The following COL4A4 variants were observed in gnomAD, a reference collection of about 807,000 sequenced individuals.
COL4A4 encodes collagen type IV alpha 4 chain, also known as collagen alpha-4(IV) chain.
Under a neutral mutation model 192.9 loss-of-function variants are expected in COL4A4, and 105 were observed. The ratio of observed to expected loss-of-function variants is 0.54; its 90% CI spans 0.46 to 0.64. COL4A4 has a LOEUF of 0.64. COL4A4 is among the 30% of genes least tolerant of loss of function. The pLI is 0.00. For synonymous variants in COL4A4, 762 were observed against 769.9 expected (o/e 0.99, Z 0.17); for missense variants, 1,967 against 2,169.3 (o/e 0.91, Z 1.85).
intron 4 of COL4A4, among the ~76,000 whole-genome samples, chr2:227,139,032 A>C (rs868126790): frequency 1.2e-4 from 19 of 152,306 alleles, no homozygotes; most frequent in African/African-American, 4.3e-4. Flanking sequence ...GAGATGGGGT[A>C]TTTGGGAGGT....
At chr2:226,992,033 A>G in the COL4A4 span, among the ~76,000 whole-genome samples, 8 of 152,258 alleles carry the variant, frequency 5.3e-5, no homozygotes, top group Non-Finnish European at 8.8e-5. Context: ...TGCTGAACAA[A>G]TGTGAGTACA....
intron 9 of COL4A4, among the ~76,000 whole-genome samples, chr2:227,109,889 G>A (rs905766404): frequency 2.0e-5 from 3 of 152,088 alleles, no homozygotes; most frequent in Non-Finnish European, 4.4e-5. Flanking sequence ...GGAGAGCAAA[G>A]AAAATGCATT....
At chr2:227,000,361 T>TA (rs1162594246), downstream of COL4A4, among the ~76,000 whole-genome samples, 8 of 152,222 alleles carry the variant, frequency 5.3e-5, no homozygotes, top group African/African-American at 1.4e-4. Flanking sequence ...AAGTGCATTT[T>TA]ACACCATTTA....
At chr2:227,085,346 A>G (rs1298340808) in intron 22 of COL4A4, among the ~76,000 whole-genome samples, 4 of 152,162 alleles carry the variant, frequency 2.6e-5, no homozygotes, top group African/African-American at 7.2e-5. Context: ...TAAACTTCTA[A>G]TATCTCAGGA....
chr2:227,118,784 TG>T (rs1185500080), intron 6 of COL4A4, 23 bp from the exon 7 acceptor site: 2 of 1,540,270 alleles, frequency 1.3e-6, no homozygotes, highest in Admixed American at 3.3e-5. Flanking sequence ...AAATTATAAG[TG>T]AAGCATTTTT....
chr2:227,090,741 GACTCC>G (rs1232020874), intron 20 of COL4A4, among the ~76,000 whole-genome samples: 3 of 151,320 alleles, frequency 2.0e-5, no homozygotes. Flanking sequence ...AACAGAATGA[GACTCC>G]ATCTCAAAAT....
chr2:227,009,125 C>T (rs1428027048), intron 46 of COL4A4, among the ~76,000 whole-genome samples: 1 of 152,160 alleles, frequency 6.6e-6, no homozygotes, highest in African/African-American at 2.4e-5. Flanking sequence ...GAAACTAGCC[C>T]CTTGTGATGG....
chr2:227,070,407 G>A (rs1241356794), intron 25 of COL4A4, among the ~76,000 whole-genome samples: 1 of 152,110 alleles, frequency 6.6e-6, no homozygotes, highest in Non-Finnish European at 1.5e-5. Flanking sequence ...CTGCTTTAAA[G>A]ACACATGCAC....
intron 37 of COL4A4, among the ~76,000 whole-genome samples, chr2:227,039,896 A>G (rs187724408): frequency 1.3e-5 from 2 of 152,348 alleles, no homozygotes; most frequent in Non-Finnish European, 2.9e-5. Flanking sequence ...AAAAGTGTCA[A>G]TGAAGACGGA....
rs763223166 is a variant in COL4A4 at position 227,007,553 on chromosome 2, G to A, written c.4845C>T (p.Ala1615=). 4 of 1,612,872 alleles carry A rather than the reference G, an allele frequency of 2.5e-6. No individual in the cohort carries two copies. Among genetic ancestry groups the A allele is most frequent in the Non-Finnish European group, 8.5e-7 (1 of 1,180,018 alleles). The change falls in exon 48 of 48, where the codon GCC becomes GCT. Residue 1615 remains alanine (A), a synonymous_variant. Transcript: ENST00000396625. The part of the protein sequence containing the change: ...TGAGDQGGGQ[A]LMSPGSCLED... Reference sequence around the variant, plus strand: ...CCAGGCAGCTGCCAGGTGACATAAGGGCCTGCCCTCCTCCTTGGTCCCCAG... The same window carrying A: ...CCAGGCAGCTGCCAGGTGACATAAGAGCCTGCCCTCCTCCTTGGTCCCCAG...
intron 43 of COL4A4, among the ~76,000 whole-genome samples, chr2:227,023,628 A>G (rs1191638843): frequency 1.3e-5 from 2 of 152,210 alleles, no homozygotes; most frequent in Non-Finnish European, 2.9e-5. Context: ...ATGCTTTATC[A>G]TGTATCAGGC....
intron 1 of COL4A4, among the ~76,000 whole-genome samples, chr2:227,150,053 C>T (rs2063824802): frequency 6.6e-6 from 1 of 152,122 alleles, no homozygotes; most frequent in African/African-American, 2.4e-5. Flanking sequence ...TCCCCAGTAC[C>T]ATCGTAGTGC....
chr2:227,079,643 A>G (rs974219350), intron 24 of COL4A4, among the ~76,000 whole-genome samples: 1 of 152,184 alleles, frequency 6.6e-6, no homozygotes, highest in Non-Finnish European at 1.5e-5. Flanking sequence ...TAGAAATAGC[A>G]TGCACTTTGA....
the COL4A4 span, among the ~76,000 whole-genome samples, chr2:226,992,399 G>A: frequency 6.6e-6 from 1 of 152,106 alleles, no homozygotes; most frequent in East Asian, 1.9e-4. Context: ...AAAGCAATTC[G>A]GCCATTCTTC....
At position 227,043,166 on chromosome 2, in the gene COL4A4, C is replaced by G. The variant is rs780160887; in HGVS notation, c.3308G>C (p.Gly1103Ala). 6.2e-7 allele frequency: 1 copy of G among 1,614,114 alleles called. No homozygotes were observed. Among genetic ancestry groups the G allele is most frequent in the East Asian group, 2.2e-5 (1 of 44,870 alleles). Residue 1103 changes from glycine (G) to alanine (A), a missense_variant, in exon 36 of 48, where the codon GGA (glycine) becomes GCA (alanine). Transcript: ENST00000396625. ...PGCPGHFGASGEQGLPGIQGP... is the reference protein window; with the variant it reads ...PGCPGHFGASAEQGLPGIQGP... ...TTGAATACCAGGCAAGCCCTGCTCT[C>G]CGGATGCTCCAAAATGCCCTAAAGA...
chr2:227,012,222 C>T lies in COL4A4; in HGVS notation c.4292G>A (p.Arg1431His), dbSNP rs777028184. 35 of 1,614,124 alleles carry T rather than the reference C, an allele frequency of 2.2e-5. No individual in the cohort carries two copies. The highest frequency in any genetic ancestry group is 1.9e-4 in the South Asian group (17 of 91,084). The change falls in exon 45 of 48, where the codon CGT becomes CAT. Residue 1431 changes from arginine (R) to histidine (H), a missense_variant. Coordinates refer to ENST00000396625, the MANE Select transcript of COL4A4 (RefSeq NM_000092.5). Reference protein sequence around the residue: ...GVPGSPGPPGRKGDTGEDGYP... With the variant: ...GVPGSPGPPGHKGDTGEDGYP... Reference sequence around the variant, plus strand: ...GCCGTCTTCTCCTGTGTCACCTTTACGTCCGGGAGGCCCAGGAGACCCAGG... The same window carrying T: ...GCCGTCTTCTCCTGTGTCACCTTTATGTCCGGGAGGCCCAGGAGACCCAGG...
chr2:227,077,310 T>A (rs762849924), intron 25 of COL4A4, among the ~76,000 whole-genome samples: 16 of 152,046 alleles, frequency 1.1e-4, no homozygotes, highest in Non-Finnish European at 2.2e-4. Flanking sequence ...TATGCAGCCA[T>A]AAAAAAAGAA....
At chr2:227,034,219 T>A (rs1009905674) in intron 37 of COL4A4, among the ~76,000 whole-genome samples, 8 of 152,228 alleles carry the variant, frequency 5.3e-5, no homozygotes, top group African/African-American at 1.9e-4. Flanking sequence ...TTGACTGAAG[T>A]TGTCACTAAA....
At chr2:227,040,167 C>T (rs1354274563) in intron 37 of COL4A4, among the ~76,000 whole-genome samples, 1 of 152,176 alleles carries the variant, frequency 6.6e-6, no homozygotes, top group Non-Finnish European at 1.5e-5. Flanking sequence ...GAAGGGGTTT[C>T]CAACTCAGTA....
Sources: gnomAD v4.1 joint callset for allele counts (sites outside exome capture counted in the v4.1 genomes callset) on GRCh38, gnomAD v4.1.1 for gene constraint, MANE v1.5 for transcripts, NCBI Gene and HGNC (gene_info 2026-07-23, HGNC 2026-07-21) for gene names.